CEP83: variants seen among roughly 807,000 people sequenced by gnomAD.
CEP83 encodes the protein centrosomal protein of 83 kDa.
Under a neutral mutation model 101.9 loss-of-function variants are expected in CEP83, and 70 were observed. The observed-to-expected ratio is 0.69, with a 90% confidence interval of 0.57 to 0.84. CEP83 has a LOEUF of 0.84. Ranked by LOEUF, CEP83 falls within the 40% of genes least tolerant of loss-of-function variation. The probability of loss-of-function intolerance (pLI) is 0.00; values close to 1 mark genes in which losing one functional copy is unlikely to be tolerated. For synonymous variants in CEP83, 264 were observed against 267.9 expected (o/e 0.99, Z 0.14); for missense variants, 715 against 787.2 (o/e 0.91, Z 1.10).
intron 6 of CEP83, among the ~76,000 whole-genome samples, chr12:94,395,446 T>C (rs1303100459): frequency 2.6e-5 from 4 of 152,320 alleles, no homozygotes; most frequent in Admixed American, 2.6e-4. Flanking sequence ...TTTCCTAAAT[T>C]AATGATGGCA....
chr12:94,397,298 A>G (rs959362534), intron 6 of CEP83, among the ~76,000 whole-genome samples: 4 of 152,176 alleles, frequency 2.6e-5, no homozygotes, highest in Non-Finnish European at 5.9e-5. Context: ...CAGGAATTTG[A>G]GACCAGCCTG....
intron 14 of CEP83, among the ~76,000 whole-genome samples, chr12:94,316,225 C>T (rs1970661528): frequency 6.6e-6 from 1 of 151,838 alleles, no homozygotes; most frequent in South Asian, 2.1e-4. Flanking sequence ...TAGATTTGTT[C>T]CTAGGTATTT....
chr12:94,344,595 C>G (rs1015166167), intron 11 of CEP83, among the ~76,000 whole-genome samples: 2 of 151,886 alleles, frequency 1.3e-5, no homozygotes, highest in Non-Finnish European at 1.5e-5. Context: ...TCCATTTATA[C>G]CATATTTAGA....
At chr12:94,323,715 C>T (rs923970344) in intron 14 of CEP83, among the ~76,000 whole-genome samples, 7 of 152,108 alleles carry the variant, frequency 4.6e-5, no homozygotes, top group African/African-American at 9.7e-5. Flanking sequence ...CTAGAACCTC[C>T]GATAAAATAT....
chr12:94,343,705 G>A (rs1193960479), intron 11 of CEP83, among the ~76,000 whole-genome samples: 2 of 150,644 alleles, frequency 1.3e-5, no homozygotes, highest in Non-Finnish European at 3.0e-5. Context: ...TTGTTAGCCA[G>A]GATGGTCTCG....
chr12:94,432,058 CTT>C (rs200437957), intron 2 of CEP83, among the ~76,000 whole-genome samples: 13 of 143,198 alleles, frequency 9.1e-5, no homozygotes, highest in Admixed American at 7.0e-5. Context: ...TTAACTTTTT[CTT>C]TTTTTTTTTT....
At chr12:94,432,449 T>C (rs937865224) in intron 2 of CEP83, among the ~76,000 whole-genome samples, 1 of 152,092 alleles carries the variant, frequency 6.6e-6, no homozygotes, top group Non-Finnish European at 1.5e-5. Context: ...TTTGTAGCAA[T>C]ATGGATAAAG....
the CEP83 span, among the ~76,000 whole-genome samples, chr12:94,291,387 C>T: frequency 7.2e-5 from 11 of 152,116 alleles, no homozygotes; most frequent in Admixed American, 3.9e-4. Flanking sequence ...CAATGCTCAG[C>T]GCTTTTTTGT....
intron 6 of CEP83, among the ~76,000 whole-genome samples, chr12:94,382,765 G>A (rs2137238835): frequency 6.6e-6 from 1 of 152,008 alleles, no homozygotes; most frequent in South Asian, 2.1e-4. Flanking sequence ...CATAGCCCAG[G>A]ATATGGTCTA....
intron 4 of CEP83, among the ~76,000 whole-genome samples, chr12:94,410,739 C>T (rs2063827633): frequency 6.6e-6 from 1 of 152,120 alleles, no homozygotes. Context: ...ACATTTCCCT[C>T]TTCGATTTAC....
intron 8 of CEP83, among the ~76,000 whole-genome samples, chr12:94,373,300 A>T (rs2137081356): frequency 6.6e-6 from 1 of 152,318 alleles, no homozygotes; most frequent in Middle Eastern, 3.4e-3. Context: ...GGAAGTATTC[A>T]GATATTACTA....
intron 14 of CEP83, among the ~76,000 whole-genome samples, chr12:94,322,601 C>T (rs2058795557): frequency 6.6e-6 from 1 of 152,160 alleles, no homozygotes; most frequent in Non-Finnish European, 1.5e-5. Flanking sequence ...TGCTGCTGGC[C>T]AGAAAACACT....
At position 94,314,982 on chromosome 12, in the gene CEP83, C is replaced by T. The variant is rs534868677; in HGVS notation, c.1708-1965G>A. On this transcript the variant is annotated intron_variant, in intron 14 of 16. Transcript: ENST00000397809. ...TGTTGTCATTCATTGTACAAATATA[C>T]CACATTTTATACATTTTCCTGTTAA... 1.1e-4 allele frequency among the ~76,000 whole-genome samples: 16 copies of T among 152,234 alleles called. 1 individual carries two copies. The South Asian group carries it at 2.7e-3, about 26-fold the overall frequency.
chr12:94,307,056 TTTAGGGTACTGAAAA>T (rs1969104658), downstream of CEP83: 1 of 152,174 alleles, frequency 6.6e-6, no homozygotes, highest in Non-Finnish European at 1.5e-5. Context: ...CCCCTACTAC[TTTAGGGTACTGAAAA>T]CTCAAAGGAT....
chr12:94,301,174 T>C, the CEP83 span: 25 of 677,200 alleles, frequency 3.7e-5, no homozygotes, highest in Non-Finnish European at 5.1e-5. Flanking sequence ...TAAAAAGAGA[T>C]AGCAAGGGCC....
chr12:94,309,402 G>A (rs759218933), intron 16 of CEP83, among the ~76,000 whole-genome samples: 5 of 152,072 alleles, frequency 3.3e-5, no homozygotes, highest in African/African-American at 4.8e-5. Context: ...GAAAGAGCCC[G>A]GGTTTTGGAT....
rs114166757 is a variant in CEP83, at chr12:94,310,730, G to A, written c.1812-623C>T. The stretch of plus-strand genomic sequence containing the variant: ...AAGGGTCAAGTGTAAAGAAAATGCT[G>A]GATTGAAGCTTACAAAATTGCCATT... On this transcript the variant is annotated intron_variant, in intron 15 of 16. Coordinates refer to ENST00000397809, the MANE Select transcript of CEP83 (RefSeq NM_016122.3). 5.8e-3 allele frequency among the ~76,000 whole-genome samples: 877 copies of A among 152,202 alleles called. 8 individuals are homozygous for A. Among genetic ancestry groups the A allele is most frequent in the African/African-American group, 0.02 (815 of 41,524 alleles).
At chr12:94,343,024 G>A (rs2059753640) in intron 11 of CEP83, among the ~76,000 whole-genome samples, 1 of 151,782 alleles carries the variant, frequency 6.6e-6, no homozygotes, top group Admixed American at 6.6e-5. Flanking sequence ...GTATACAGAA[G>A]ACCTAAACAT....
chr12:94,273,736 A>G, the CEP83 span, among the ~76,000 whole-genome samples: 1 of 152,274 alleles, frequency 6.6e-6, no homozygotes. Flanking sequence ...AATAGGTGCA[A>G]AGTAAATGGT....
Sources: gnomAD v4.1 joint callset for allele counts (sites outside exome capture counted in the v4.1 genomes callset) on GRCh38, gnomAD v4.1.1 for gene constraint, MANE v1.5 for transcripts, NCBI Gene and HGNC (gene_info 2026-07-23, HGNC 2026-07-21) for gene names.